Variants in TACC3 observed in about 807,000 individuals in gnomAD.
TACC3 encodes transforming acidic coiled-coil containing protein 3.
TACC3 carries 52 observed loss-of-function variants against 86.0 expected under a neutral mutation model. The ratio of observed to expected loss-of-function variants is 0.60; its 90% confidence interval spans 0.48 to 0.76. TACC3 has a LOEUF of 0.76. Ranked by LOEUF, TACC3 falls within the 30% of genes least tolerant of loss-of-function variation. The probability of loss-of-function intolerance (pLI) is 0.00; values close to 1 mark genes in which losing one functional copy is unlikely to be tolerated. For missense variants in TACC3, 1,120 were observed against 1,070.4 expected (o/e 1.05, Z -0.65); for synonymous variants, 512 against 430.0 (o/e 1.19, Z -2.36).
intron 13 of TACC3, among the ~76,000 whole-genome samples, chr4:1,742,510 A>G (rs1036594866): frequency 2.6e-5 from 4 of 152,234 alleles, no homozygotes; most frequent in African/African-American, 7.2e-5. Context: ...CTGTATTCAG[A>G]AGAGTATTGC....
At chr4:1,720,688 G>A, upstream of TACC3, 1 of 1,552,530 alleles carries the variant, frequency 6.4e-7, no homozygotes, top group Non-Finnish European at 8.7e-7. This position sits in a 1 kb window ranked among gnomAD's most constrained non-coding sequence, Gnocchi z 4.4. Context: ...GCAAGTGGAA[G>A]GGCACGAAGG....
At chr4:1,730,270 C>T (rs1717935787) in intron 4 of TACC3, 1 of 187,650 alleles carries the variant, frequency 5.3e-6, no homozygotes, top group Non-Finnish European at 1.1e-5. Context: ...TAGATATGAC[C>T]TCGTGATCCG....
intron 9 of TACC3, 46 bp from the exon 10 acceptor site, chr4:1,737,552 G>T: frequency 7.0e-7 from 1 of 1,425,458 alleles, no homozygotes; most frequent in South Asian, 1.4e-5. Context: ...TCAGAGGTAA[G>T]AGGCAAGGGC....
At position 1,735,387 on chromosome 4, in the gene TACC3, G is replaced by C; in HGVS notation, c.1644+62G>C. ...GGGTGTCCGAGAGCAGCCACGGCAG[G>C]TCTTGCCCCCGGAGCGTCCCTTGGT... On this transcript the variant is annotated intron_variant, in intron 7 of 15. Transcript: ENST00000313288. This position sits in a 1 kb window ranked among gnomAD's most constrained non-coding sequence, Gnocchi z 4.2. 1.9e-6 allele frequency: 3 copies of C among 1,597,026 alleles called. No individual in the cohort carries two copies. The highest frequency in any genetic ancestry group is 2.6e-6 in the Non-Finnish European group (3 of 1,165,156).
At chr4:1,732,721 G>A (rs762995185) in intron 6 of TACC3, among the ~76,000 whole-genome samples, 5 of 152,226 alleles carry the variant, frequency 3.3e-5, no homozygotes, top group Non-Finnish European at 7.3e-5. Context: ...CACACAGCAC[G>A]GCCTTCTGTG....
intron 6 of TACC3, among the ~76,000 whole-genome samples, chr4:1,734,266 C>G (rs1000033570): frequency 6.6e-6 from 1 of 152,064 alleles, no homozygotes; most frequent in Non-Finnish European, 1.5e-5. Context: ...CAGCTTGTTG[C>G]AACCTCCGCC....
chr4:1,744,666 G>A (rs777641711), intron 14 of TACC3, 42 bp downstream of exon 14: 5 of 1,612,060 alleles, frequency 3.1e-6, no homozygotes, highest in African/African-American at 1.3e-5. Context: ...GAGAATCTGA[G>A]CACCTGGGCC....
chr4:1,731,314 G>T lies in TACC3; in HGVS notation c.1591+13G>T, dbSNP rs375608843. Reference sequence around the variant, plus strand: ...GACCCCGCTGAGGGTACGTTGCCTGGCACAGACGTCACACACAGTCTGCCC... The same window carrying T: ...GACCCCGCTGAGGGTACGTTGCCTGTCACAGACGTCACACACAGTCTGCCC... On this transcript the variant is annotated intron_variant, in intron 6 of 15. Transcript: ENST00000313288. 1.2e-6 allele frequency: 2 copies of T among 1,612,528 alleles called. No homozygotes were observed. Among genetic ancestry groups the T allele is most frequent in the African/African-American group, 2.7e-5 (2 of 75,058 alleles).
At chr4:1,721,005 A>T (rs556726322), upstream of TACC3, 1 of 224,656 alleles carries the variant, frequency 4.5e-6, no homozygotes, top group Admixed American at 6.9e-5. Flanking sequence ...GCACTCTAGG[A>T]CATGGAGTCC....
Position 1,728,452 on chromosome 4 carries a change from G to A in TACC3, c.1050G>A (p.Arg350=), listed in dbSNP as rs1039455743. Residue 350 remains arginine, a synonymous_variant, in exon 4 of 16, where the codon AGG becomes AGA. Transcript: ENST00000313288. The part of the protein sequence containing the change: ...FDVSDGATSK[R]APPPRRLGER... ...TATCTGATGGCGCCACCAGCAAAAG[G>A]GCACCCCCACCAAGGAGACTGGGAG... The A allele has an allele frequency of 1.2e-6, 2 of 1,613,786 alleles. No homozygotes were observed. Among genetic ancestry groups the A allele is most frequent in the South Asian group, 2.2e-5 (2 of 91,086 alleles).
intron 13 of TACC3, 58 bp from the exon 14 acceptor site, chr4:1,744,460 C>A: frequency 6.6e-7 from 1 of 1,513,008 alleles, no homozygotes; most frequent in Non-Finnish European, 9.1e-7. Context: ...AGACACCAAG[C>A]CTGGGTGCTC....
Position 1,735,421 on chromosome 4 carries a change from C to T in TACC3, c.1644+96C>T, listed in dbSNP as rs545550693. 1.4e-6 allele frequency: 2 copies of T among 1,390,722 alleles called. No homozygotes were observed. Among genetic ancestry groups the T allele is most frequent in the Admixed American group, 1.7e-5 (1 of 58,106 alleles). The allele number at this position is 1,390,722 out of a possible 1,614,324, so 86.1% of individuals were successfully genotyped here. On this transcript the variant is annotated intron_variant, in intron 7 of 15. Coordinates refer to ENST00000313288, the MANE Select transcript of TACC3 (RefSeq NM_006342.3). The surrounding 1 kb of genome is among the most constrained non-coding windows in gnomAD (Gnocchi z 4.2). ...CCGGAGCGTCCCTTGGTGCCCACGT[C>T]CCCCCAGCTGCACACAGGCCCAGGC...
At chr4:1,741,381 G>C (rs903804277) in intron 13 of TACC3, 1 of 157,068 alleles carries the variant, frequency 6.4e-6, no homozygotes, top group African/African-American at 2.4e-5. Context: ...TATCCAAGGC[G>C]GGAGGCCCAC....
chr4:1,739,564 C>A, intron 10 of TACC3, 138 bp from the exon 11 acceptor site: 1 of 787,344 alleles, frequency 1.3e-6, no homozygotes, highest in Non-Finnish European at 2.0e-6. Flanking sequence ...CAGGGTCCCA[C>A]TGGAAGCCCC....
At position 1,743,633 on chromosome 4, in the gene TACC3, G is replaced by A. The variant is rs551301749; in HGVS notation, c.2224-885G>A. ...AGTTAACAACATTAACAATTCAAAG[G>A]GTACAGGTCAGATGAGGGAAGCAGA... On this transcript the variant is annotated intron_variant, in intron 13 of 15. Coordinates refer to ENST00000313288, the MANE Select transcript of TACC3 (RefSeq NM_006342.3). Among the ~76,000 whole-genome samples the A allele has an allele frequency of 1.4e-3, 208 of 152,272 alleles. 2 individuals are homozygous for A. Among genetic ancestry groups the A allele is most frequent in the African/African-American group, 4.6e-3 (191 of 41,560 alleles).
chr4:1,738,170 C>A (rs1258661539), intron 10 of TACC3: 1 of 317,176 alleles, frequency 3.2e-6, no homozygotes, highest in Admixed American at 4.5e-5. Context: ...TGTTCTAACT[C>A]CGGGCCTAAA....
chr4:1,737,454 G>A, intron 9 of TACC3, 126 bp downstream of exon 9: 2 of 1,137,824 alleles, frequency 1.8e-6, no homozygotes, highest in Non-Finnish European at 1.3e-6. Flanking sequence ...TGGGGCCGCT[G>A]TGCTGTTCCC....
In TACC3 at chr4:1,731,198, C is replaced by T; in HGVS notation, c.1488C>T (p.Thr496=). The T allele has an allele frequency of 6.2e-7, 1 of 1,613,380 alleles. No homozygotes were observed. Among genetic ancestry groups the T allele is most frequent in the Non-Finnish European group, 8.5e-7 (1 of 1,180,036 alleles). The change falls in exon 6 of 16, where the codon ACC becomes ACT. Residue 496 remains threonine (T), a synonymous_variant. Transcript: ENST00000313288. ...SKERALNSAS[T]SLPTSCPGSE... Reference sequence around the variant, plus strand: ...AGAGAGCCTTGAACTCTGCCAGCACCTCGCTTCCCACAAGCTGTCCAGGCA... The same window carrying T: ...AGAGAGCCTTGAACTCTGCCAGCACTTCGCTTCCCACAAGCTGTCCAGGCA...
chr4:1,725,209 G>A (rs551524595), intron 3 of TACC3, among the ~76,000 whole-genome samples: 2 of 151,200 alleles, frequency 1.3e-5, no homozygotes, highest in African/African-American at 2.4e-5. Context: ...TGGGATTACA[G>A]GCATGAGCCA....
Sources: allele counts gnomAD v4.1 joint callset (sites outside exome capture counted in the v4.1 genomes callset), GRCh38; gene constraint gnomAD v4.1.1; non-coding constraint Gnocchi (gnomAD v3.1); transcripts MANE v1.5; gene names NCBI Gene and HGNC (gene_info 2026-07-23, HGNC 2026-07-21).